Variants in GAS5 observed in about 807,000 individuals in gnomAD.
The protein encoded by GAS5 is growth arrest specific 5.
intron 6 of GAS5, chr1:173,864,772 A>ACATT: frequency 1.9e-6 from 1 of 516,334 alleles, no homozygotes; most frequent in Middle Eastern, 3.2e-4. Context: ...AAATCTCCAA[A>ACATT]CATTATAGAA....
intron 6 of GAS5, chr1:173,864,796 C>T: frequency 1.9e-6 from 1 of 518,576 alleles, no homozygotes; most frequent in Non-Finnish European, 3.8e-6. Flanking sequence ...CTATATTCCC[C>T]TTTTCGGGGC....
rs372138351 is a variant in GAS5 at position 173,864,809 on chromosome 1, A to C, written n.277-505T>G. The C allele has an allele frequency of 5.4e-4, 281 of 518,966 alleles. 1 individual carries two copies. The highest frequency in any genetic ancestry group is 4.6e-3 in the African/African-American group (242 of 52,092). 32.1% of individuals were successfully genotyped at this position (518,966 alleles called of 1,614,324 possible). ...GGCTATATTCCCCTTTTCGGGGCAT[A>C]AACTAGAATGTTACCGCCAGATACA... On this transcript the variant is annotated intron_variant and non_coding_transcript_variant, in intron 6 of 7. Transcript: ENST00000651080.
At chr1:173,866,670 C>G (rs749457988) in intron 2 of GAS5, 1 of 764,922 alleles carries the variant, frequency 1.3e-6, no homozygotes, top group East Asian at 2.4e-5. Flanking sequence ...AGATCCTCAT[C>G]ATTCTAGCAC....
intron 6 of GAS5, chr1:173,864,497 A>G (rs1210874921): frequency 6.0e-6 from 3 of 495,868 alleles, no homozygotes; most frequent in Non-Finnish European, 1.2e-5. Context: ...GTTTAGGATA[A>G]CAGGTCTGCC....
chr1:173,866,361 C>T, intron 3 of GAS5: 3 of 529,014 alleles, frequency 5.7e-6, no homozygotes, highest in Non-Finnish European at 1.1e-5. Flanking sequence ...ATGCAACCAT[C>T]ATAGTATCTG....
rs567260287 is a variant in GAS5, at chr1:173,864,570, C to T, written n.277-266G>A. ...CCCTACTCAATTTCCTTCTCAGTCA[C>T]ATTTTAACTTTTAAACAGCTAATCA... On this transcript the variant is annotated intron_variant and non_coding_transcript_variant, in intron 6 of 7. Coordinates refer to ENST00000651080, the Ensembl canonical transcript of GAS5. 33 of 382,154 alleles carry T rather than the reference C, an allele frequency of 8.6e-5. 1 individual carries two copies. Among genetic ancestry groups the T allele is most frequent in the South Asian group, 6.2e-4 (32 of 51,668 alleles). 23.7% of individuals were successfully genotyped at this position (382,154 alleles called of 1,614,324 possible). A position where few individuals can be genotyped will look rare whatever the true frequency, so the allele number is the denominator to read the frequency against.
chr1:173,866,985 T>A, intron 1 of GAS5: 2 of 765,454 alleles, frequency 2.6e-6, no homozygotes, highest in South Asian at 2.7e-5. Flanking sequence ...TTTCCCCAAT[T>A]CTTACCTGTC....
chr1:173,866,253 G>A, intron 3 of GAS5: 2 of 491,750 alleles, frequency 4.1e-6, no homozygotes, highest in South Asian at 1.5e-5. Flanking sequence ...TTTAATGGTA[G>A]ATTGGTGGTA....
chr1:173,867,789 T>A (rs766919015), upstream of GAS5: 62 of 518,926 alleles, frequency 1.2e-4, no homozygotes, highest in Non-Finnish European at 2.3e-4. Context: ...TCTAACATAG[T>A]CGCAGCTTAG....
upstream of GAS5, chr1:173,867,047 A>G (rs1572028666): frequency 2.7e-6 from 2 of 730,354 alleles, no homozygotes. Flanking sequence ...ACCATACCTA[A>G]AGAGATCAGG....
chr1:173,865,129 G>A (rs554041994), intron 6 of GAS5: 3 of 339,550 alleles, frequency 8.8e-6, no homozygotes, highest in Middle Eastern at 1.1e-3. Context: ...AACCTGGGAG[G>A]CAGAGGTTGC....
At chr1:173,865,488 G>A (rs1572014908) in exon 6 of GAS5, 6 of 507,536 alleles carry the variant, frequency 1.2e-5, no homozygotes, top group Non-Finnish European at 2.0e-5. Context: ...AGGTATGACA[G>A]GAACTGTCTT....
intron 6 of GAS5, chr1:173,864,384 A>G (rs774918612): frequency 1.9e-6 from 1 of 519,040 alleles, no homozygotes; most frequent in South Asian, 1.4e-5. Flanking sequence ...CAGAATCAAA[A>G]TGGAACGGTT....
At chr1:173,866,427 T>A in intron 3 of GAS5, 1 of 587,802 alleles carries the variant, frequency 1.7e-6, no homozygotes. Flanking sequence ...AAAATTCTCA[T>A]TTGAAAAGAG....
chr1:173,867,658 G>A, upstream of GAS5: 1 of 519,036 alleles, frequency 1.9e-6, no homozygotes. Flanking sequence ...AGCTTACTCG[G>A]GTGACTCGGC....
chr1:173,864,335 C>T (rs767901252), intron 6 of GAS5: 10 of 517,672 alleles, frequency 1.9e-5, no homozygotes, highest in Admixed American at 5.8e-5. Context: ...TTAATCAGGG[C>T]AAAATACAAA....
upstream of GAS5, chr1:173,867,978 T>TTTCG (rs1440055369): frequency 6.0e-6 from 2 of 331,762 alleles, no homozygotes; most frequent in Non-Finnish European, 1.2e-5. Flanking sequence ...AGTCGACTCC[T>TTTCG]ACCTCGAAAA....
intron 6 of GAS5, chr1:173,864,400 G>C (rs773539645): frequency 1.9e-6 from 1 of 519,030 alleles, no homozygotes; most frequent in Admixed American, 1.9e-5. Flanking sequence ...CGGTTTTACA[G>C]TGATATCATT....
intron 6 of GAS5, chr1:173,865,428 CAGT>C (rs1394921571): frequency 1.2e-5 from 6 of 515,450 alleles, no homozygotes; most frequent in African/African-American, 1.9e-5. Context: ...TCATCACTAA[CAGT>C]AGCTCAATCA....
Sources: gnomAD v4.1 joint callset for allele counts on GRCh38, gnomAD v4.1.1 for gene constraint, MANE v1.5 for transcripts, NCBI Gene and HGNC (gene_info 2026-07-23, HGNC 2026-07-21) for gene names.